TNRC18: variants seen among roughly 807,000 people sequenced by gnomAD.
TNRC18 encodes the protein trinucleotide repeat-containing gene 18 protein.
Under a neutral mutation model 226.7 loss-of-function variants are expected in TNRC18, and 69 were observed. The ratio of observed to expected loss-of-function variants is 0.30; its 90% CI spans 0.25 to 0.37. The LOEUF is 0.37. TNRC18 is among the 10% of genes least tolerant of loss of function. TNRC18 has a pLI of 1.00. For missense variants in TNRC18, 4,754 were observed against 4,256.6 expected, an observed-to-expected ratio of 1.12 and a Z score of -3.25; for synonymous variants, 2,449 against 1,927.6, an observed-to-expected ratio of 1.27 and a Z score of -7.09.
At position 5,394,831 on chromosome 7, in the gene TNRC18, G is replaced by GC. The variant is rs1238961318; in HGVS notation, c.188-237dup. Among the ~76,000 whole-genome samples, 1 of 152,006 alleles carries GC rather than the reference G, an allele frequency of 6.6e-6. No individual in the cohort carries two copies. Among genetic ancestry groups the GC allele is most frequent in the African/African-American group, 2.4e-5 (1 of 41,386 alleles). The stretch of plus-strand genomic sequence containing the variant: ...TTGAGAAAGCACAATACGGCAGGAA[G>GC]CCCCCCACAGCAGACCCTCAGCCCT... On this transcript the variant is annotated intron_variant, in intron 2 of 29. Coordinates refer to ENST00000430969, the MANE Select transcript of TNRC18 (RefSeq NM_001080495.3). This position sits in a 1 kb window ranked among gnomAD's most constrained non-coding sequence, Gnocchi z 4.5.
chr7:5,410,897 G>C (rs1159737133), intron 2 of TNRC18, among the ~76,000 whole-genome samples: 1 of 143,710 alleles, frequency 7.0e-6, no homozygotes, highest in Non-Finnish European at 1.5e-5. Context: ...GAAGAGAAAA[G>C]AGAAGAGGAG....
At chr7:5,421,530 G>C (rs546853393) in intron 1 of TNRC18, 41 bp from the exon 2 acceptor site, 1 of 152,060 alleles carries the variant, frequency 6.6e-6, no homozygotes, top group Non-Finnish European at 1.5e-5. Flanking sequence ...AATAGAAAGG[G>C]GGAAAGAAAA....
At chr7:5,328,019 C>T (rs1789111899) in intron 19 of TNRC18, among the ~76,000 whole-genome samples, 1 of 151,598 alleles carries the variant, frequency 6.6e-6, no homozygotes, top group African/African-American at 2.4e-5. Flanking sequence ...GCCAGGAGTT[C>T]GAGACCAGCC....
At chr7:5,393,418 C>T (rs372929058) in intron 3 of TNRC18, among the ~76,000 whole-genome samples, 11 of 152,240 alleles carry the variant, frequency 7.2e-5, no homozygotes, top group South Asian at 2.1e-4. Flanking sequence ...TGACTAGAGA[C>T]GCCTCTGGCT....
Position 5,374,314 on chromosome 7 carries a change from C to T in TNRC18, c.2970G>A (p.Val990=). The change falls in exon 10 of 30, where the codon GTG becomes GTA. Residue 990 remains valine, a synonymous_variant. Coordinates refer to ENST00000430969, the MANE Select transcript of TNRC18 (RefSeq NM_001080495.3). ...ATGCGCGGGGTGATGGTGGCGGGCTCACGGCCTTGCCGTAGGTGCCCGCGG... is the reference window on the plus strand; with the variant it reads ...ATGCGCGGGGTGATGGTGGCGGGCTTACGGCCTTGCCGTAGGTGCCCGCGG... ...AGPAGTYGKA[V]SPPPSPRASP... The T allele has an allele frequency of 7.0e-7, 1 of 1,437,336 alleles. No individual in the cohort carries two copies. The highest frequency in any genetic ancestry group is 9.1e-7 in the Non-Finnish European group (1 of 1,101,766). 89.0% of individuals were successfully genotyped at this position (1,437,336 alleles called of 1,614,324 possible).
rs575479331 is a variant in TNRC18, at chr7:5,377,208, C to A, written c.2461+163G>T. On this transcript the variant is annotated intron_variant, in intron 7 of 29. Transcript: ENST00000430969. The surrounding 1 kb of genome is among the most constrained non-coding windows in gnomAD (Gnocchi z 5.8). ...AAACAGGCATGGCAGAGGGGCCCCA[C>A]GAGGCAGAGGCCATTATCATTCCTT... 6.6e-6 allele frequency among the ~76,000 whole-genome samples: 1 copy of A among 152,194 alleles called. No individual in the cohort carries two copies. The highest frequency in any genetic ancestry group is 1.5e-5 in the Non-Finnish European group (1 of 68,026).
rs760938806 is a variant in TNRC18, at chr7:5,332,998, C to T, written c.5771G>A (p.Arg1924Gln). The change falls in exon 19 of 30, where the codon CGG (arginine) becomes CAG (glutamine). Residue 1924 changes from arginine (R) to glutamine (Q), a missense_variant. By Grantham distance (43) the Arg-to-Gln change is conservative (BLOSUM62 1). Coordinates refer to ENST00000430969, the MANE Select transcript of TNRC18 (RefSeq NM_001080495.3). ...GGGCCGCAGCAGCCCCGCAGGCGAC[C>T]GCTTGCGCACCTTGACCTCGCTCTC... ...DSESEVKVRK[R>Q]SPAGLLRPKK... The T allele has an allele frequency of 1.3e-6, 2 of 1,575,226 alleles. No homozygotes were observed. The highest frequency in any genetic ancestry group is 2.3e-5 in the East Asian group (1 of 43,642).
At chr7:5,325,903 G>A (rs1788871664) in intron 19 of TNRC18, among the ~76,000 whole-genome samples, 3 of 151,432 alleles carry the variant, frequency 2.0e-5, no homozygotes, top group African/African-American at 7.3e-5. Context: ...ACCCAGCTAA[G>A]TTTTTATTTT....
intron 17 of TNRC18, among the ~76,000 whole-genome samples, chr7:5,348,737 A>G (rs1791469160): frequency 6.6e-6 from 1 of 152,104 alleles, no homozygotes; most frequent in Admixed American, 6.6e-5. Context: ...CCCCCGGAGC[A>G]ATGGATGAAG....
At chr7:5,349,765 C>A (rs1052283856) in intron 17 of TNRC18, among the ~76,000 whole-genome samples, 2 of 152,148 alleles carry the variant, frequency 1.3e-5, no homozygotes, top group Non-Finnish European at 2.9e-5. Context: ...GAGGGATGGT[C>A]GGGCTGCTGG....
chr7:5,413,989 G>A (rs920300578), intron 2 of TNRC18, among the ~76,000 whole-genome samples: 5 of 152,108 alleles, frequency 3.3e-5, no homozygotes, highest in African/African-American at 9.7e-5. Context: ...GTCTCATTCT[G>A]TCTCCCAGGC....
rs61741391 is a variant in TNRC18, at chr7:5,359,444, T to G, written c.4787A>C (p.Asn1596Thr). Residue 1596 changes from asparagine (N) to threonine (T), a missense_variant, in exon 15 of 30, where the codon AAC (asparagine) becomes ACC (threonine). Transcript: ENST00000430969. ...GGCCTCATGTTCATCCCAAGTCTGG[T>G]TCCTCCCCCTGGCTTTCCCCATTCC... ...LIGMGKARGR[N>T]QTWDEHEASS... The G allele has an allele frequency of 2.6e-3, 4,159 of 1,614,012 alleles. 88 individuals are homozygous for G. The African/African-American group carries it at 0.046, about 18-fold the overall frequency.
intron 9 of TNRC18, among the ~76,000 whole-genome samples, chr7:5,374,820 C>T (rs1270948877): frequency 6.6e-6 from 1 of 152,238 alleles, no homozygotes; most frequent in Non-Finnish European, 1.5e-5. Context: ...AGATGGGGGG[C>T]ACAAGGCCCC....
At chr7:5,406,663 C>T (rs1340071976) in intron 2 of TNRC18, among the ~76,000 whole-genome samples, 1 of 151,740 alleles carries the variant, frequency 6.6e-6, no homozygotes, top group East Asian at 1.9e-4. Flanking sequence ...CCAGCCTGGC[C>T]AACAGGGTGA....
intron 17 of TNRC18, among the ~76,000 whole-genome samples, chr7:5,346,091 C>A (rs1484564945): frequency 3.9e-5 from 6 of 152,260 alleles, no homozygotes; most frequent in Non-Finnish European, 8.8e-5. Flanking sequence ...CCAACATGCA[C>A]CTGTGCTGTG....
chr7:5,338,013 T>C (rs1289878600), intron 18 of TNRC18, among the ~76,000 whole-genome samples: 1 of 152,088 alleles, frequency 6.6e-6, no homozygotes, highest in Non-Finnish European at 1.5e-5. Context: ...ACTAAGTTTG[T>C]AACATTGTCT....
In TNRC18 at chr7:5,377,059, C is replaced by CCCAGCCCAGCA; in HGVS notation, c.2462-77_2462-67dup. 3.3e-6 allele frequency: 5 copies of CCCAGCCCAGCA among 1,528,500 alleles called. No homozygotes were observed. The highest frequency in any genetic ancestry group is 4.4e-6 in the Non-Finnish European group (5 of 1,140,202). 94.7% of individuals were successfully genotyped at this position (1,528,500 alleles called of 1,614,324 possible). A position where few individuals can be genotyped will look rare whatever the true frequency, so the allele number is the denominator to read the frequency against. Reference sequence around the variant, plus strand: ...CCCAAGCGGTTTGTCCTCGGGCAGCCCCAGCCCAGCACCACCTCCCAAGTC... The same window carrying CCCAGCCCAGCA: ...CCCAAGCGGTTTGTCCTCGGGCAGCCCCAGCCCAGCACCAGCCCAGCACCACCTCCCAAGTC... On this transcript the variant is annotated intron_variant, in intron 7 of 29. Transcript: ENST00000430969. This position sits in a 1 kb window ranked among gnomAD's most constrained non-coding sequence, Gnocchi z 5.8.
chr7:5,405,339 C>G (rs766944842), intron 2 of TNRC18, among the ~76,000 whole-genome samples: 2 of 152,098 alleles, frequency 1.3e-5, no homozygotes, highest in Non-Finnish European at 2.9e-5. Flanking sequence ...GAGGCTGAGG[C>G]GAGTGGATCA....
intron 16 of TNRC18, 33 bp from the exon 17 acceptor site, chr7:5,352,127 T>A (rs1433681717): frequency 6.4e-7 from 1 of 1,564,316 alleles, no homozygotes; most frequent in East Asian, 2.3e-5. Flanking sequence ...TAGAGATAAG[T>A]CACAGGGCAG....
Sources: gnomAD v4.1 joint callset for allele counts (sites outside exome capture counted in the v4.1 genomes callset) on GRCh38, gnomAD v4.1.1 for gene constraint, Gnocchi (gnomAD v3.1) non-coding constraint, MANE v1.5 for transcripts, NCBI Gene and HGNC (gene_info 2026-07-23, HGNC 2026-07-21) for gene names.